CFAP44: variants seen among roughly 807,000 people sequenced by gnomAD.
CFAP44 encodes the protein cilia and flagella associated protein 44, also known as cilia- and flagella-associated protein 44.
In CFAP44, 134 loss-of-function variants were observed where a neutral mutation model predicts 216.2. The ratio of observed to expected loss-of-function variants is 0.62; its 90% CI spans 0.54 to 0.72. CFAP44 has a LOEUF of 0.72. CFAP44 is among the 30% of genes least tolerant of loss of function. The pLI, the probability that CFAP44 is intolerant of heterozygous loss-of-function variation, is 0.00. For missense variants in CFAP44, 2,035 were observed against 2,182.1 expected, an observed-to-expected ratio of 0.93 and a Z score of 1.34; for synonymous variants, 700 against 727.6, an observed-to-expected ratio of 0.96 and a Z score of 0.61.
At chr3:113,436,790 T>C (rs1935249973) in intron 1 of CFAP44, among the ~76,000 whole-genome samples, 1 of 152,248 alleles carries the variant, frequency 6.6e-6, no homozygotes, top group Non-Finnish European at 1.5e-5. Context: ...ATTTTTCATC[T>C]GTGAGTTTCA....
intron 13 of CFAP44, among the ~76,000 whole-genome samples, chr3:113,399,576 TGTCGG>T: frequency 6.6e-6 from 1 of 152,272 alleles, no homozygotes; most frequent in East Asian, 1.9e-4. Context: ...CCTGGCACAT[TGTCGG>T]CACTCTGTAA....
chr3:113,323,045 T>C (rs552159577), intron 28 of CFAP44, among the ~76,000 whole-genome samples: 3 of 152,190 alleles, frequency 2.0e-5, no homozygotes, highest in Non-Finnish European at 4.4e-5. Context: ...TCACTCATCA[T>C]GAGAATAGCA....
chr3:113,385,871 T>G (rs1293090458), intron 15 of CFAP44, among the ~76,000 whole-genome samples: 1 of 151,904 alleles, frequency 6.6e-6, no homozygotes, highest in East Asian at 1.9e-4. Context: ...CTCAAACTCC[T>G]GACCTCAGGT....
intron 15 of CFAP44, among the ~76,000 whole-genome samples, chr3:113,381,825 A>G (rs1434947553): frequency 1.3e-5 from 2 of 152,336 alleles, no homozygotes; most frequent in East Asian, 3.9e-4. Flanking sequence ...AGAAAAACAT[A>G]TAATATCTGC....
At chr3:113,332,936 G>C (rs1350247909) in intron 25 of CFAP44, among the ~76,000 whole-genome samples, 1 of 152,062 alleles carries the variant, frequency 6.6e-6, no homozygotes, top group Non-Finnish European at 1.5e-5. Context: ...CCATGAAACT[G>C]GTACTAAAAC....
chr3:113,326,781 T>C (rs1950192923), intron 27 of CFAP44, 141 bp from the exon 28 acceptor site: 1 of 449,372 alleles, frequency 2.2e-6, no homozygotes, highest in Non-Finnish European at 3.7e-6. Context: ...TTCTGATGTT[T>C]GCAGAGCCAT....
At chr3:113,408,348 T>C (rs964542095) in intron 7 of CFAP44, among the ~76,000 whole-genome samples, 13 of 152,068 alleles carry the variant, frequency 8.5e-5, no homozygotes, top group Non-Finnish European at 4.4e-5. Flanking sequence ...AGATCAAGAG[T>C]AGGTTCTGCC....
intron 22 of CFAP44, among the ~76,000 whole-genome samples, chr3:113,353,647 C>G (rs1467399706): frequency 1.3e-5 from 2 of 152,138 alleles, no homozygotes; most frequent in Non-Finnish European, 2.9e-5. Context: ...GAAATATTAT[C>G]TAGGAATTCA....
At chr3:113,423,796 G>A (rs781151318) in intron 4 of CFAP44, among the ~76,000 whole-genome samples, 62 of 152,210 alleles carry the variant, frequency 4.1e-4, no homozygotes, top group Non-Finnish European at 2.1e-4. Context: ...TCAAGAATTC[G>A]GCAGCCTTCT....
Position 113,328,393 on chromosome 3 carries a change from A to G in CFAP44, c.4117-574T>C, listed in dbSNP as rs534290776. On this transcript the variant is annotated intron_variant, in intron 26 of 34. Transcript: ENST00000393845. ...GTCCTGGTCCAGACTTTAATCCATT[A>G]TGGTCCTACTAATTTTAAGTCCTCA... Among the ~76,000 whole-genome samples, 3 of 151,582 alleles carry G rather than the reference A, an allele frequency of 2.0e-5. No homozygotes were observed. The East Asian group carries it at 5.9e-4, about 30-fold the overall frequency.
intron 8 of CFAP44, 146 bp from the exon 9 acceptor site, chr3:113,404,162 T>G (rs1283409642): frequency 1.0e-6 from 1 of 971,818 alleles, no homozygotes; most frequent in East Asian, 2.7e-5. Context: ...AATACAGAAA[T>G]GAAGACCTAC....
chr3:113,426,102 C>A (rs538681310), intron 4 of CFAP44, 22 bp downstream of exon 4: 1 of 1,606,034 alleles, frequency 6.2e-7, no homozygotes, highest in Non-Finnish European at 8.5e-7. Context: ...CAAAATTATA[C>A]ATATTTAGCC....
At chr3:113,395,892 A>G (rs1202189666) in intron 14 of CFAP44, 32 bp from the exon 15 acceptor site, 3 of 1,517,408 alleles carry the variant, frequency 2.0e-6, no homozygotes, top group Middle Eastern at 3.6e-4. Context: ...GACGAAATAT[A>G]TATTACTATG....
chr3:113,363,479 G>GAC lies in CFAP44; in HGVS notation c.2768_2769insGT (p.Tyr923Ter), dbSNP rs1950560838. 6.2e-7 allele frequency: 1 copy of GAC among 1,610,142 alleles called. No homozygotes were observed. Among genetic ancestry groups the GAC allele is most frequent in the African/African-American group, 1.3e-5 (1 of 74,782 alleles). ...IPEDIEDPKA[Y>*]SIENARRKRE... ...GTATTTATCAAAAATTCCCATACCT[G>GAC]TAGGCTTTGGGATCTTCAATGTCTT... The change falls in exon 20 of 35, where the codon TAC becomes TAGTC. Residue 923 changes from tyrosine to a stop codon, truncating the protein, a stop_gained and frameshift_variant. Coordinates refer to ENST00000393845, the MANE Select transcript of CFAP44 (RefSeq NM_001164496.2). LOFTEE classifies it high-confidence loss of function.
At chr3:113,431,551 T>G (rs1935106487) in intron 2 of CFAP44, among the ~76,000 whole-genome samples, 1 of 152,102 alleles carries the variant, frequency 6.6e-6, no homozygotes, top group Non-Finnish European at 1.5e-5. Flanking sequence ...AACTAAAGTT[T>G]CTGAAGTAAG....
At chr3:113,373,601 C>G in intron 17 of CFAP44, 45 bp from the exon 18 acceptor site, 14 of 1,432,256 alleles carry the variant, frequency 9.8e-6, no homozygotes, top group Non-Finnish European at 1.2e-5. Flanking sequence ...TTGAATATAA[C>G]ACACATAAAT....
chr3:113,297,339 C>T (rs1314859220), intron 32 of CFAP44, among the ~76,000 whole-genome samples: 1 of 152,106 alleles, frequency 6.6e-6, no homozygotes, highest in Non-Finnish European at 1.5e-5. Context: ...CTTTCTCTCC[C>T]CGCTGCTTTC....
At chr3:113,423,369 G>A (rs1934871840) in intron 4 of CFAP44, among the ~76,000 whole-genome samples, 1 of 151,968 alleles carries the variant, frequency 6.6e-6, no homozygotes, top group Non-Finnish European at 1.5e-5. Context: ...GCTGCCTCCT[G>A]AGCTCAAGTG....
chr3:113,433,671 T>C lies in CFAP44; in HGVS notation c.-5-2A>G, dbSNP rs373518668. 5 of 1,607,278 alleles carry C rather than the reference T, an allele frequency of 3.1e-6. No homozygotes were observed. The African/African-American group carries it at 4.0e-5, about 13-fold the overall frequency. On this transcript the variant is annotated splice_acceptor_variant, in intron 1 of 34. Coordinates refer to ENST00000393845, the MANE Select transcript of CFAP44 (RefSeq NM_001164496.2). LOFTEE classifies it low-confidence loss of function (5UTR_SPLICE). ...GATCATCTGGTTCCTTCATTTCCTC[T>C]GTAAGTACAAAATGGGGATGAGATA...
Sources: allele counts gnomAD v4.1 joint callset (sites outside exome capture counted in the v4.1 genomes callset), GRCh38; gene constraint gnomAD v4.1.1; transcripts MANE v1.5; gene names NCBI Gene and HGNC (gene_info 2026-07-23, HGNC 2026-07-21).